The following SAMTOR variants were observed in gnomAD, a reference collection of about 807,000 sequenced individuals.
SAMTOR encodes S-adenosylmethionine sensor upstream of mTORC1, also known as UPF0532 protein C7orf60.
the SAMTOR span, among the ~76,000 whole-genome samples, chr7:112,877,411 G>C: frequency 2.6e-5 from 4 of 152,112 alleles, no homozygotes; most frequent in Non-Finnish European, 5.9e-5. Context: ...TACCCAAAAA[G>C]AGCATTTGTT....
the SAMTOR span, among the ~76,000 whole-genome samples, chr7:112,926,673 C>A: frequency 3.3e-5 from 5 of 151,986 alleles, no homozygotes; most frequent in African/African-American, 1.2e-4. Context: ...TATATTTTTC[C>A]TTCTTTCAAC....
the SAMTOR span, among the ~76,000 whole-genome samples, chr7:112,886,629 G>A: frequency 6.6e-6 from 1 of 152,136 alleles, no homozygotes; most frequent in Non-Finnish European, 1.5e-5. Context: ...AAGTCTCTAT[G>A]CTATTCAGCC....
At chr7:112,920,387 C>A in the SAMTOR span, among the ~76,000 whole-genome samples, 1 of 151,326 alleles carries the variant, frequency 6.6e-6, no homozygotes, top group Non-Finnish European at 1.5e-5. Flanking sequence ...AGGCCTTTGA[C>A]AAAATTCAAC....
chr7:112,903,079 C>T, the SAMTOR span, among the ~76,000 whole-genome samples: 22 of 152,146 alleles, frequency 1.4e-4, no homozygotes, highest in African/African-American at 4.6e-4. Context: ...TTTGGGAGGC[C>T]GAGGCAGGCA....
chr7:112,821,513 A>G, the SAMTOR span: 1 of 383,516 alleles, frequency 2.6e-6, no homozygotes, highest in Admixed American at 4.2e-5. Context: ...GCTAAATGCT[A>G]AAGTAACAGT....
the SAMTOR span, among the ~76,000 whole-genome samples, chr7:112,860,193 T>C: frequency 6.6e-6 from 1 of 152,230 alleles, no homozygotes; most frequent in Admixed American, 6.5e-5. Flanking sequence ...CTATACCATA[T>C]AGCCTACAGG....
chr7:112,893,819 G>A, the SAMTOR span, among the ~76,000 whole-genome samples: 3 of 152,132 alleles, frequency 2.0e-5, no homozygotes, highest in Admixed American at 6.5e-5. Context: ...GGAGAATGGC[G>A]TGAACCTGGG....
the SAMTOR span, among the ~76,000 whole-genome samples, chr7:112,824,601 T>C: frequency 1.3e-5 from 2 of 152,112 alleles, no homozygotes; most frequent in Non-Finnish European, 2.9e-5. Flanking sequence ...GATCTTGTGA[T>C]CCGCCCACCT....
At chr7:112,863,883 TCCATC>T in the SAMTOR span, among the ~76,000 whole-genome samples, 1 of 151,984 alleles carries the variant, frequency 6.6e-6, no homozygotes, top group African/African-American at 2.4e-5. Context: ...GAAATAACTT[TCCATC>T]CCATTACTGG....
chr7:112,910,280 T>C, the SAMTOR span, among the ~76,000 whole-genome samples: 1 of 152,228 alleles, frequency 6.6e-6, no homozygotes, highest in Non-Finnish European at 1.5e-5. Flanking sequence ...TTATACCAAT[T>C]GCTTTCGTGA....
At chr7:112,895,921 T>C in the SAMTOR span, among the ~76,000 whole-genome samples, 1 of 152,194 alleles carries the variant, frequency 6.6e-6, no homozygotes, top group Non-Finnish European at 1.5e-5. Context: ...AAAATTACTA[T>C]ACAATAAAGA....
chr7:112,901,435 A>T, the SAMTOR span, among the ~76,000 whole-genome samples: 3 of 152,212 alleles, frequency 2.0e-5, no homozygotes, highest in African/African-American at 7.2e-5. Flanking sequence ...CCCAGATGGG[A>T]CTGGCTAATT....
At chr7:112,919,163 C>G in the SAMTOR span, among the ~76,000 whole-genome samples, 1 of 152,096 alleles carries the variant, frequency 6.6e-6, no homozygotes, top group Non-Finnish European at 1.5e-5. Context: ...CAGCACCACA[C>G]CACACCTATT....
At chr7:112,824,447 G>A in the SAMTOR span, among the ~76,000 whole-genome samples, 3 of 151,866 alleles carry the variant, frequency 2.0e-5, no homozygotes, top group Admixed American at 6.6e-5. Context: ...CGCAACCTCC[G>A]CCTCCTGGGT....
At chr7:112,922,127 C>T in the SAMTOR span, among the ~76,000 whole-genome samples, 1 of 152,290 alleles carries the variant, frequency 6.6e-6, no homozygotes, top group East Asian at 1.9e-4. Flanking sequence ...GACTGGTTTT[C>T]GTATTTTTTT....
the SAMTOR span, among the ~76,000 whole-genome samples, chr7:112,913,884 A>T: frequency 4.6e-5 from 7 of 152,090 alleles, no homozygotes; most frequent in African/African-American, 1.7e-4. Flanking sequence ...TCCTTGCTTT[A>T]TTTTTCTCAT....
the SAMTOR span, among the ~76,000 whole-genome samples, chr7:112,861,505 G>C: frequency 1.3e-5 from 2 of 152,114 alleles, no homozygotes; most frequent in African/African-American, 4.8e-5. Flanking sequence ...CATCATGACC[G>C]TTAGTGATTT....
the SAMTOR span, among the ~76,000 whole-genome samples, chr7:112,823,168 T>A: frequency 6.6e-6 from 1 of 152,150 alleles, no homozygotes; most frequent in Non-Finnish European, 1.5e-5. Context: ...CACATAGTCA[T>A]CTGGACTGTT....
the SAMTOR span, among the ~76,000 whole-genome samples, chr7:112,858,917 T>C: frequency 3.3e-5 from 5 of 152,212 alleles, no homozygotes; most frequent in African/African-American, 4.8e-5. Flanking sequence ...GACTAGGCCA[T>C]AGTACCTAGA....
Sources: gnomAD v4.1 joint callset for allele counts (sites outside exome capture counted in the v4.1 genomes callset) on GRCh38, gnomAD v4.1.1 for gene constraint, MANE v1.5 for transcripts, NCBI Gene and HGNC (gene_info 2026-07-23, HGNC 2026-07-21) for gene names.